Variants in DRAM1 observed in about 807,000 individuals in gnomAD.
DRAM1 encodes the protein DNA damage regulated autophagy modulator 1, also known as DNA damage-regulated autophagy modulator protein 1.
In DRAM1, 25 loss-of-function variants were observed where a neutral mutation model predicts 28.5. The observed-to-expected ratio is 0.88, with a 90% CI of 0.64 to 1.23. The LOEUF is 1.23. Ranked by LOEUF, DRAM1 falls within the 50% of genes most tolerant of loss-of-function variation. The probability of loss-of-function intolerance (pLI) is 0.00; values close to 1 mark genes in which losing one functional copy is unlikely to be tolerated. For missense variants in DRAM1, 249 were observed against 299.2 expected (o/e 0.83, Z 1.24); for synonymous variants, 113 against 114.2 (o/e 0.99, Z 0.07).
At chr12:101,904,842 C>T (rs964310004) in intron 3 of DRAM1, among the ~76,000 whole-genome samples, 4 of 151,948 alleles carry the variant, frequency 2.6e-5, no homozygotes, top group Non-Finnish European at 4.4e-5. Flanking sequence ...GAAAGAGTGC[C>T]GGGTTTTAAC....
chr12:101,888,032 C>T (rs932254480), intron 1 of DRAM1, among the ~76,000 whole-genome samples: 6 of 152,146 alleles, frequency 3.9e-5, no homozygotes, highest in African/African-American at 1.4e-4. Flanking sequence ...TCAGTTTTTA[C>T]AGTGCAGTGA....
At chr12:101,895,870 G>A (rs73376873) in intron 1 of DRAM1, among the ~76,000 whole-genome samples, 10,996 of 151,114 alleles carry the variant, frequency 0.073, 972 homozygotes, top group African/African-American at 0.21. Context: ...GCGCCTGGTC[G>A]TAAGGGAGGC....
intron 1 of DRAM1, among the ~76,000 whole-genome samples, chr12:101,880,949 T>G (rs2121000138): frequency 6.6e-6 from 1 of 152,322 alleles, no homozygotes; most frequent in Non-Finnish European, 1.5e-5. Context: ...ACATTTGTAC[T>G]GATTGCCCAT....
chr12:101,883,918 A>G (rs931452026), intron 1 of DRAM1, among the ~76,000 whole-genome samples: 32 of 148,148 alleles, frequency 2.2e-4, no homozygotes, highest in African/African-American at 8.0e-4. Flanking sequence ...CTGGTGATAG[A>G]GCGAGACTCT....
intron 3 of DRAM1, among the ~76,000 whole-genome samples, chr12:101,902,023 G>A (rs1873624023): frequency 6.6e-6 from 1 of 152,114 alleles, no homozygotes; most frequent in South Asian, 2.1e-4. Flanking sequence ...TGTTGGGAGA[G>A]CTACTTCAGC....
intron 1 of DRAM1, among the ~76,000 whole-genome samples, chr12:101,885,133 A>T (rs1332425461): frequency 1.3e-5 from 2 of 152,120 alleles, no homozygotes; most frequent in Non-Finnish European, 2.9e-5. Context: ...GGGTTTCTCT[A>T]TGTTGGTCAG....
intron 5 of DRAM1, among the ~76,000 whole-genome samples, chr12:101,915,850 A>G (rs574517163): frequency 1.8e-4 from 27 of 152,274 alleles, no homozygotes; most frequent in East Asian, 5.8e-4. Context: ...GTGAACCACC[A>G]CGCCCAACCT....
chr12:101,898,014 AT>A, intron 2 of DRAM1, 84 bp downstream of exon 2: 2 of 819,686 alleles, frequency 2.4e-6, no homozygotes, highest in Non-Finnish European at 1.9e-6. Context: ...TTTTCATATA[AT>A]TTTTATTTTA....
chr12:101,917,992 T>G (rs1295817944), intron 5 of DRAM1, among the ~76,000 whole-genome samples: 6 of 152,362 alleles, frequency 3.9e-5, no homozygotes, highest in African/African-American at 1.4e-4. Context: ...GTTAAAAATC[T>G]GTTATATTCC....
chr12:101,881,668 C>A (rs1042188834), intron 1 of DRAM1, among the ~76,000 whole-genome samples: 2 of 152,108 alleles, frequency 1.3e-5, no homozygotes, highest in Admixed American at 6.6e-5. Context: ...TTTCACTTAC[C>A]TCTTTTGTTC....
chr12:101,897,873 A>G lies in DRAM1; in HGVS notation c.142A>G (p.Thr48Ala). 9.3e-6 allele frequency: 15 copies of G among 1,610,870 alleles called. No homozygotes were observed. The highest frequency in any genetic ancestry group is 1.3e-5 in the Non-Finnish European group (15 of 1,177,412). Residue 48 changes from threonine to alanine, a missense_variant, in exon 2 of 7, where the codon ACA becomes GCA. Coordinates refer to ENST00000258534, the MANE Select transcript of DRAM1 (RefSeq NM_018370.3). The stretch of plus-strand genomic sequence containing the variant: ...TCTTCCCTTTGCCAGTGATACGGGA[A>G]CAACACCTCCAGAGAGTGGTATTTT... ...PFLPYISDTGTTPPESGIFGF... is the reference protein window; with the variant it reads ...PFLPYISDTGATPPESGIFGF...
intron 1 of DRAM1, among the ~76,000 whole-genome samples, chr12:101,894,909 A>G (rs1274563294): frequency 6.6e-6 from 1 of 152,186 alleles, no homozygotes; most frequent in Non-Finnish European, 1.5e-5. Flanking sequence ...AGACCTGTGT[A>G]ACAAGAACTC....
In DRAM1 at chr12:101,877,766, T is replaced by A. The variant is rs1165982519; in HGVS notation, c.-24T>A. Reference sequence around the variant, plus strand: ...CGCCCGGCCCCGCTGGGCGCAGCACTCCGTCGGCGGCGGCGGCGGCGCGAT... The same window carrying A: ...CGCCCGGCCCCGCTGGGCGCAGCACACCGTCGGCGGCGGCGGCGGCGCGAT... On this transcript the variant is annotated 5_prime_UTR_variant, in exon 1 of 7. Transcript: ENST00000258534. This position sits in a 1 kb window ranked among gnomAD's most constrained non-coding sequence, Gnocchi z 4.1. The A allele has an allele frequency of 6.8e-7, 1 of 1,472,298 alleles. No individual in the cohort carries two copies. Among genetic ancestry groups the A allele is most frequent in the Non-Finnish European group, 9.0e-7 (1 of 1,107,822 alleles). 91.2% of individuals were successfully genotyped at this position (1,472,298 alleles called of 1,614,324 possible).
intron 4 of DRAM1, among the ~76,000 whole-genome samples, chr12:101,913,135 A>C (rs993846640): frequency 2.6e-5 from 4 of 152,256 alleles, no homozygotes; most frequent in Middle Eastern, 3.4e-3. Flanking sequence ...CACTGCCTTC[A>C]TGCAGAAAGT....
Position 101,901,319 on chromosome 12 carries a change from A to T in DRAM1, c.228A>T (p.Lys76Asn), listed in dbSNP as rs1873594256. The change falls in exon 3 of 7, where the codon AAA (lysine) becomes AAT (asparagine). Residue 76 changes from lysine (K) to asparagine (N), a missense_variant. This residue lies in a region of DRAM1 where 218 missense variants were observed against 243.1 expected (regional missense o/e 0.90). Coordinates refer to ENST00000258534, the MANE Select transcript of DRAM1 (RefSeq NM_018370.3). The part of the protein sequence containing the change: ...LGAATMYTRY[K>N]IVQKQNQTCY... ...CAGCCACGATGTATACAAGATACAA[A>T]ATAGTACAGAAGCAAAATCAAACCT... The T allele has an allele frequency of 1.2e-6, 2 of 1,614,188 alleles. No individual in the cohort carries two copies. Among genetic ancestry groups the T allele is most frequent in the Non-Finnish European group, 1.7e-6 (2 of 1,180,032 alleles).
At chr12:101,909,520 C>A (rs988829807) in intron 4 of DRAM1, among the ~76,000 whole-genome samples, 3 of 152,118 alleles carry the variant, frequency 2.0e-5, no homozygotes, top group African/African-American at 4.8e-5. Flanking sequence ...CAAGGCTAAA[C>A]TCTCCCCCTC....
At chr12:101,878,832 A>G (rs944359303) in intron 1 of DRAM1, among the ~76,000 whole-genome samples, 6 of 152,152 alleles carry the variant, frequency 3.9e-5, no homozygotes, top group Admixed American at 1.3e-4. Flanking sequence ...GCTATGATAG[A>G]AAATGTAGGG....
intron 5 of DRAM1, among the ~76,000 whole-genome samples, chr12:101,918,922 A>G (rs923282649): frequency 1.8e-4 from 27 of 151,688 alleles, no homozygotes; most frequent in African/African-American, 5.8e-4. Flanking sequence ...TTATTTTATT[A>G]TTATTATTAT....
rs1874554359 is a variant in DRAM1, at chr12:101,923,301, C to T, written c.*2041C>T. 6.6e-6 allele frequency: 1 copy of T among 152,152 alleles called. No individual in the cohort carries two copies. The highest frequency in any genetic ancestry group is 6.5e-5 in the Admixed American group (1 of 15,280). 9.4% of individuals were successfully genotyped at this position (152,152 alleles called of 1,614,324 possible). A position where few individuals can be genotyped will look rare whatever the true frequency, so the allele number is the denominator to read the frequency against. On this transcript the variant is annotated 3_prime_UTR_variant, in exon 7 of 7. Coordinates refer to ENST00000258534, the MANE Select transcript of DRAM1 (RefSeq NM_018370.3). ...GTGGTGGAATGAATCCATACTTCTG[C>T]CTCACTTCGAGCAGACTTTTGTTCT...
Sources: gnomAD v4.1 joint callset for allele counts (sites outside exome capture counted in the v4.1 genomes callset) on GRCh38, gnomAD v4.1.1 for gene constraint, gnomAD v4.1.1 regional missense constraint, Gnocchi (gnomAD v3.1) non-coding constraint, MANE v1.5 for transcripts, NCBI Gene and HGNC (gene_info 2026-07-23, HGNC 2026-07-21) for gene names.